The following RCOR1 variants were observed in gnomAD, a reference collection of about 807,000 sequenced individuals.
The protein encoded by RCOR1 is REST corepressor.
Under a neutral mutation model 64.0 loss-of-function variants are expected in RCOR1, and 12 were observed. The ratio of observed to expected loss-of-function variants is 0.19; its 90% CI spans 0.12 to 0.30. The LOEUF is 0.30. RCOR1 is among the 10% of genes least tolerant of loss of function. RCOR1 has a pLI of 1.00. For synonymous variants in RCOR1, 279 were observed against 227.2 expected (o/e 1.23, Z -2.05); for missense variants, 502 against 621.2 (o/e 0.81, Z 2.04).
At position 102,662,421 on chromosome 14, in the gene RCOR1, C is replaced by G. The variant is rs976196932; in HGVS notation, c.362-19474C>G. ...TTGGCTTTAACATCTACAATGAACACAAGTGTCTTGTTGTCCTCGCTCTTC... is the reference window on the plus strand; with the variant it reads ...TTGGCTTTAACATCTACAATGAACAGAAGTGTCTTGTTGTCCTCGCTCTTC... On this transcript the variant is annotated intron_variant, in intron 2 of 11. Coordinates refer to ENST00000262241, the MANE Select transcript of RCOR1 (RefSeq NM_015156.4). 31 of 559,390 alleles carry G rather than the reference C, an allele frequency of 5.5e-5. 1 individual carries two copies. The African/African-American group carries it at 5.7e-4, about 10-fold the overall frequency. The allele number at this position is 559,390 out of a possible 1,614,324, so 34.7% of individuals were successfully genotyped here.
At chr14:102,670,861 C>T (rs1264919821) in intron 2 of RCOR1, among the ~76,000 whole-genome samples, 2 of 151,128 alleles carry the variant, frequency 1.3e-5, no homozygotes, top group Non-Finnish European at 3.0e-5. Flanking sequence ...GCAACCTCTG[C>T]CTCCCGGGTT....
chr14:102,708,447 C>A lies in RCOR1; in HGVS notation c.661-18C>A. On this transcript the variant is annotated intron_variant, in intron 5 of 11. Coordinates refer to ENST00000262241, the MANE Select transcript of RCOR1 (RefSeq NM_015156.4). ...TTACTTTTTTATTTAAATAAACCAA[C>A]TCATTTTTTATGTTTAGCTTCCAGA... 1 of 1,294,930 alleles carries A rather than the reference C, an allele frequency of 7.7e-7. No homozygotes were observed. The highest frequency in any genetic ancestry group is 1.1e-6 in the Non-Finnish European group (1 of 891,056). 80.2% of individuals were successfully genotyped at this position (1,294,930 alleles called of 1,614,324 possible). A position where few individuals can be genotyped will look rare whatever the true frequency, so the allele number is the denominator to read the frequency against.
chr14:102,598,844 TAAA>T (rs1893323250), intron 2 of RCOR1, among the ~76,000 whole-genome samples: 1 of 152,082 alleles, frequency 6.6e-6, no homozygotes, highest in East Asian at 1.9e-4. Context: ...TACACTGAAA[TAAA>T]AAGTTTTACC....
chr14:102,664,546 G>A (rs1463892648), intron 2 of RCOR1, among the ~76,000 whole-genome samples: 2 of 152,222 alleles, frequency 1.3e-5, no homozygotes, highest in Non-Finnish European at 2.9e-5. Flanking sequence ...CTATTATAAA[G>A]AGAGATACAA....
chr14:102,603,672 G>T (rs1893448373), intron 2 of RCOR1, among the ~76,000 whole-genome samples: 1 of 151,920 alleles, frequency 6.6e-6, no homozygotes, highest in Admixed American at 6.6e-5. Context: ...CCAGGCTGGA[G>T]TGCGGTGGCT....
intron 2 of RCOR1, among the ~76,000 whole-genome samples, chr14:102,671,118 G>A (rs1895025906): frequency 6.6e-6 from 1 of 152,112 alleles, no homozygotes; most frequent in South Asian, 2.1e-4. Flanking sequence ...TTCACCATTT[G>A]TTTCAGTTCT....
In RCOR1 at chr14:102,617,587, C is replaced by CTT. The variant is rs71119722; in HGVS notation, c.361+24283_361+24284dup. ...GGGGCAACGAAGACACTGTCTCTTT[C>CTT]TTTTTTTTTTTTTTTTTTTTTTGAT... On this transcript the variant is annotated intron_variant, in intron 2 of 11. Transcript: ENST00000262241. 1.2e-4 allele frequency among the ~76,000 whole-genome samples: 14 copies of CTT among 118,258 alleles called. No individual in the cohort carries two copies. The East Asian group carries it at 1.5e-3, about 13-fold the overall frequency. 77.6% of individuals were successfully genotyped at this position (118,258 alleles called of 152,430 possible).
chr14:102,650,189 C>T (rs1349395051), intron 2 of RCOR1, among the ~76,000 whole-genome samples: 1 of 137,106 alleles, frequency 7.3e-6, no homozygotes, highest in Non-Finnish European at 1.5e-5. Context: ...CAGAGCGAGA[C>T]TCCACCGCAA....
chr14:102,629,427 G>A (rs1338791550), intron 2 of RCOR1, among the ~76,000 whole-genome samples: 2 of 127,040 alleles, frequency 1.6e-5, no homozygotes, highest in African/African-American at 5.7e-5. Context: ...TTAAAATCTT[G>A]TTGCCTTAAC....
chr14:102,610,458 A>G (rs1225855836), intron 2 of RCOR1, among the ~76,000 whole-genome samples: 1 of 152,190 alleles, frequency 6.6e-6, no homozygotes, highest in Non-Finnish European at 1.5e-5. Flanking sequence ...GCCATATTGG[A>G]CAGCTCAGAA....
intron 2 of RCOR1, among the ~76,000 whole-genome samples, chr14:102,609,566 A>T (rs1332410265): frequency 6.6e-6 from 1 of 151,718 alleles, no homozygotes; most frequent in Non-Finnish European, 1.5e-5. Context: ...CAGCTTCCTG[A>T]GAAGATGGGA....
At position 102,729,344 on chromosome 14, in the gene RCOR1, C is replaced by T. The variant is rs936198744; in HGVS notation, c.*2838C>T. 1 of 152,748 alleles carries T rather than the reference C, an allele frequency of 6.5e-6. No homozygotes were observed. Among genetic ancestry groups the T allele is most frequent in the African/African-American group, 2.4e-5 (1 of 41,428 alleles). 9.5% of individuals were successfully genotyped at this position (152,748 alleles called of 1,614,324 possible). A position where few individuals can be genotyped will look rare whatever the true frequency, so the allele number is the denominator to read the frequency against. ...CTTGAATATTGTGTTGACTGGTCTG[C>T]AACAGTGATCCATTCTGTAATATAG... On this transcript the variant is annotated 3_prime_UTR_variant, in exon 12 of 12. Transcript: ENST00000262241.
chr14:102,619,709 G>C (rs921117186), intron 2 of RCOR1, among the ~76,000 whole-genome samples: 1 of 151,878 alleles, frequency 6.6e-6, no homozygotes, highest in African/African-American at 2.4e-5. Flanking sequence ...TCAAACTCCT[G>C]ACCTCAGGTG....
At chr14:102,615,482 CTT>C (rs1237605389) in intron 2 of RCOR1, among the ~76,000 whole-genome samples, 1 of 140,788 alleles carries the variant, frequency 7.1e-6, no homozygotes, top group African/African-American at 2.7e-5. Flanking sequence ...GAGTTTCGCT[CTT>C]GTCGCTCAGG....
Position 102,650,863 on chromosome 14 carries a change from G to A in RCOR1, c.362-31032G>A, listed in dbSNP as rs561279249. ...CTGACTTGAGATATTTTAAACTTAC[G>A]GGACTTGATTTAGAGCACTTACTCT... is the stretch of plus-strand genomic sequence containing the variant. On this transcript the variant is annotated intron_variant, in intron 2 of 11. Coordinates refer to ENST00000262241, the MANE Select transcript of RCOR1 (RefSeq NM_015156.4). 1.7e-4 allele frequency: 59 copies of A among 341,112 alleles called. 1 individual carries two copies. The highest frequency in any genetic ancestry group is 1.3e-3 in the South Asian group (11 of 8,326). 21.1% of individuals were successfully genotyped at this position (341,112 alleles called of 1,614,324 possible). A position where few individuals can be genotyped will look rare whatever the true frequency, so the allele number is the denominator to read the frequency against.
intron 2 of RCOR1, among the ~76,000 whole-genome samples, chr14:102,654,630 G>C (rs910343013): frequency 6.6e-6 from 1 of 151,930 alleles, no homozygotes; most frequent in Non-Finnish European, 1.5e-5. Flanking sequence ...ACTTTGAGAG[G>C]CGAAGATGGG....
At position 102,632,890 on chromosome 14, in the gene RCOR1, C is replaced by G. The variant is rs183860956; in HGVS notation, c.361+39565C>G. On this transcript the variant is annotated intron_variant, in intron 2 of 11. Coordinates refer to ENST00000262241, the MANE Select transcript of RCOR1 (RefSeq NM_015156.4). ...GCAGTGAAGTGATTATAGCCCCCTGCAGCCTCAAACTCCTGGGCTCAAGCA... is the reference window on the plus strand; with the variant it reads ...GCAGTGAAGTGATTATAGCCCCCTGGAGCCTCAAACTCCTGGGCTCAAGCA... 8.6e-4 allele frequency among the ~76,000 whole-genome samples: 130 copies of G among 151,088 alleles called. 3 individuals are homozygous for G. Among genetic ancestry groups the G allele is most frequent in the Admixed American group, 7.8e-3 (117 of 15,050 alleles).
intron 2 of RCOR1, among the ~76,000 whole-genome samples, chr14:102,597,793 C>T (rs1893293567): frequency 1.3e-5 from 2 of 151,516 alleles, no homozygotes; most frequent in Admixed American, 1.3e-4. Flanking sequence ...GCCACTATGT[C>T]TGGCTAATTT....
Position 102,593,103 on chromosome 14 carries a change from T to TTGG in RCOR1, c.218_220dup (p.Leu73_Ala74insVal). ...CCCCAATAATGGCCAGAATAAAAGT[T>TTGG]TGGCGGCGGCGGCGCCCAATGGCAA... On this transcript the variant is annotated inframe_insertion, in exon 1 of 12. Transcript: ENST00000262241. 3 of 1,500,242 alleles carry TTGG rather than the reference T, an allele frequency of 2.0e-6. No individual in the cohort carries two copies. The highest frequency in any genetic ancestry group is 2.5e-5 in the South Asian group (2 of 78,952). The allele number at this position is 1,500,242 out of a possible 1,614,324, so 92.9% of individuals were successfully genotyped here.
Sources: gnomAD v4.1 joint callset for allele counts (sites outside exome capture counted in the v4.1 genomes callset) on GRCh38, gnomAD v4.1.1 for gene constraint, MANE v1.5 for transcripts, NCBI Gene and HGNC (gene_info 2026-07-23, HGNC 2026-07-21) for gene names.